Variants in IFNAR1 observed in about 807,000 individuals in gnomAD.
The protein encoded by IFNAR1 is interferon alpha and beta receptor subunit 1.
A neutral mutation model predicts 62.1 loss-of-function variants in IFNAR1; 47 were observed. The ratio of observed to expected loss-of-function variants is 0.76; its 90% CI spans 0.60 to 0.97. The LOEUF is 0.97. Ranked by LOEUF, IFNAR1 falls within the 50% of genes least tolerant of loss-of-function variation. The pLI, the probability that IFNAR1 is intolerant of heterozygous loss-of-function variation, is 0.00. For missense variants in IFNAR1, 638 were observed against 654.5 expected (o/e 0.97, Z 0.27); for synonymous variants, 219 against 226.9 (o/e 0.97, Z 0.31).
intron 1 of IFNAR1, among the ~76,000 whole-genome samples, chr21:33,333,875 G>A (rs1345591423): frequency 9.2e-5 from 14 of 151,872 alleles, no homozygotes; most frequent in South Asian, 6.3e-4. Flanking sequence ...CACCCGCCTC[G>A]GCCTCCCAAA....
chr21:33,341,870 AG>A (rs1314713096), intron 3 of IFNAR1, among the ~76,000 whole-genome samples: 1 of 152,012 alleles, frequency 6.6e-6, no homozygotes, highest in Non-Finnish European at 1.5e-5. Context: ...TAGTAGAGAC[AG>A]GGTTTCTCCA....
At position 33,340,885 on chromosome 21, in the gene IFNAR1, TAAAC is replaced by T; in HGVS notation, c.201-111_201-108del. ...TTAAACCAAAAATAGAAATAACTCT[TAAAC>T]AAGAGTTATTAAGAGTTAAGAAATA... On this transcript the variant is annotated intron_variant, in intron 2 of 10. Coordinates refer to ENST00000270139, the MANE Select transcript of IFNAR1 (RefSeq NM_000629.3). 5 of 671,846 alleles carry T rather than the reference TAAAC, an allele frequency of 7.4e-6. No individual in the cohort carries two copies. The Admixed American group carries it at 1.4e-4, about 19-fold the overall frequency. The allele number at this position is 671,846 out of a possible 1,614,324, so 41.6% of individuals were successfully genotyped here.
chr21:33,330,398 A>G (rs2083164884), intron 1 of IFNAR1, among the ~76,000 whole-genome samples: 1 of 152,116 alleles, frequency 6.6e-6, no homozygotes, highest in African/African-American at 2.4e-5. Flanking sequence ...AGACTAGGAC[A>G]TTTAAAAACA....
Position 33,357,278 on chromosome 21 carries a change from G to A in IFNAR1, c.*1729G>A, listed in dbSNP as rs1237849558. 1 of 152,222 alleles carries A rather than the reference G, an allele frequency of 6.6e-6. No homozygotes were observed. Among genetic ancestry groups the A allele is most frequent in the African/African-American group, 2.4e-5 (1 of 41,456 alleles). The allele number at this position is 152,222 out of a possible 1,614,324, so 9.4% of individuals were successfully genotyped here. A position where few individuals can be genotyped will look rare whatever the true frequency, so the allele number is the denominator to read the frequency against. On this transcript the variant is annotated 3_prime_UTR_variant, in exon 11 of 11. Coordinates refer to ENST00000270139, the MANE Select transcript of IFNAR1 (RefSeq NM_000629.3). ...AGTAGTCATTTCTGCTGAAAAAACA[G>A]ATGATCCTGGTGGAAGAAAAGGTTG... is the stretch of plus-strand genomic sequence containing the variant.
intron 8 of IFNAR1, among the ~76,000 whole-genome samples, chr21:33,350,514 G>C (rs1271578987): frequency 2.0e-5 from 3 of 151,934 alleles, no homozygotes; most frequent in African/African-American, 4.8e-5. Context: ...AGTTGGGGAG[G>C]TAATGAAAAA....
At chr21:33,343,949 A>G (rs1160938210) in intron 5 of IFNAR1, among the ~76,000 whole-genome samples, 1 of 152,230 alleles carries the variant, frequency 6.6e-6, no homozygotes, top group Admixed American at 6.5e-5. Flanking sequence ...TGAAGCCAGA[A>G]GTTCGAGAAC....
intron 1 of IFNAR1, among the ~76,000 whole-genome samples, chr21:33,326,502 A>G (rs2211687): frequency 0.16 from 24,689 of 152,088 alleles, 2,294 homozygotes; most frequent in East Asian, 0.36. Context: ...CGCCCGATCT[A>G]TTTATGTTTT....
At chr21:33,324,782 C>T, upstream of IFNAR1, 1 of 500,594 alleles carries the variant, frequency 2.0e-6, no homozygotes, top group Non-Finnish European at 3.6e-6. Context: ...TTCTAAGGCG[C>T]GCGCGCACAG....
chr21:33,343,307 A>G lies in IFNAR1; in HGVS notation c.416A>G (p.Asp139Gly), dbSNP rs373257370. 4.3e-6 allele frequency: 7 copies of G among 1,613,612 alleles called. No individual in the cohort carries two copies. The highest frequency in any genetic ancestry group is 4.2e-6 in the Non-Finnish European group (5 of 1,179,564). ...CCAGAAGTACATTTAGAAGCTGAAG[A>G]TAAGGCAATAGTGATACACATCTCT... ...GPPEVHLEAE[D>G]KAIVIHISPG... Residue 139 changes from aspartate (D) to glycine (G), a missense_variant, in exon 4 of 11, where the codon GAT (aspartate) becomes GGT (glycine). Coordinates refer to ENST00000270139, the MANE Select transcript of IFNAR1 (RefSeq NM_000629.3).
Position 33,341,141 on chromosome 21 carries a change from T to C in IFNAR1, c.343T>C (p.Tyr115His). 6.2e-7 allele frequency: 1 copy of C among 1,613,042 alleles called. No individual in the cohort carries two copies. ...RAEKENTSSW[Y>H]EVDSFTPFRK... ...AGAAAAAGAAAACACTTCTTCATGGTATGAGGTTGACTCATTTACACCATT... is the reference window on the plus strand; with the variant it reads ...AGAAAAAGAAAACACTTCTTCATGGCATGAGGTTGACTCATTTACACCATT... The change falls in exon 3 of 11, where the codon TAT (tyrosine) becomes CAT (histidine). Residue 115 changes from tyrosine (Y) to histidine (H), a missense_variant. Coordinates refer to ENST00000270139, the MANE Select transcript of IFNAR1 (RefSeq NM_000629.3).
Position 33,352,842 on chromosome 21 carries a change from A to G in IFNAR1, c.1228A>G (p.Thr410Ala). 1 of 1,606,480 alleles carries G rather than the reference A, an allele frequency of 6.2e-7. No individual in the cohort carries two copies. Residue 410 changes from threonine to alanine, a missense_variant, in exon 9 of 11, where the codon ACC becomes GCC. By Grantham distance (58) the Thr-to-Ala change is moderately conservative. Transcript: ENST00000270139. ...ATATTGTGTGAAAGCCAGAGCACACACCATGGATGAAAAGCTGAATAAAAG... is the reference window on the plus strand; with the variant it reads ...ATATTGTGTGAAAGCCAGAGCACACGCCATGGATGAAAAGCTGAATAAAAG... ...TVYCVKARAHTMDEKLNKSSV... is the reference protein window; with the variant it reads ...TVYCVKARAHAMDEKLNKSSV...
rs756903477 is a variant in IFNAR1, at chr21:33,353,738, T to C, written c.1395T>C (p.Asn465=). Residue 465 remains asparagine (N), a synonymous_variant, in exon 10 of 11, where the codon AAT becomes AAC. Coordinates refer to ENST00000270139, the MANE Select transcript of IFNAR1 (RefSeq NM_000629.3). ...YAAKVFLRCI[N]YVFFPSLKPS... ...CGAAAGTCTTCTTGAGATGCATCAA[T>C]TATGTCTTCTTTCCATCACTTAAAC... 1 of 1,590,258 alleles carries C rather than the reference T, an allele frequency of 6.3e-7. No homozygotes were observed. Among genetic ancestry groups the C allele is most frequent in the Non-Finnish European group, 8.5e-7 (1 of 1,170,862 alleles).
intron 2 of IFNAR1, among the ~76,000 whole-genome samples, chr21:33,337,976 T>C (rs1214957875): frequency 1.3e-5 from 2 of 152,166 alleles, no homozygotes; most frequent in Admixed American, 1.3e-4. Flanking sequence ...ATACCCTTAT[T>C]TAATGTTACT....
upstream of IFNAR1, chr21:33,324,961 C>T: frequency 1.8e-6 from 2 of 1,113,866 alleles, no homozygotes; most frequent in Non-Finnish European, 2.6e-6. Flanking sequence ...AGCGCGTGTG[C>T]AGAGGGGCGG....
intron 1 of IFNAR1, among the ~76,000 whole-genome samples, chr21:33,327,621 G>GATACT (rs2083138821): frequency 6.6e-6 from 1 of 152,128 alleles, no homozygotes; most frequent in South Asian, 2.1e-4. Flanking sequence ...TGTATGTTAA[G>GATACT]GGCCTAATTA....
intron 6 of IFNAR1, among the ~76,000 whole-genome samples, chr21:33,348,745 G>A (rs1452503229): frequency 6.6e-6 from 1 of 152,060 alleles, no homozygotes; most frequent in Non-Finnish European, 1.5e-5. Flanking sequence ...AGAGGTTGCA[G>A]TGAGCCAAGA....
intron 5 of IFNAR1, among the ~76,000 whole-genome samples, chr21:33,344,333 T>G (rs989198060): frequency 6.6e-6 from 1 of 152,202 alleles, no homozygotes; most frequent in Admixed American, 6.5e-5. Context: ...GTAAGTGGAA[T>G]GTTAAAATAT....
At chr21:33,332,596 T>A (rs2083191582) in intron 1 of IFNAR1, among the ~76,000 whole-genome samples, 1 of 151,948 alleles carries the variant, frequency 6.6e-6, no homozygotes, top group Non-Finnish European at 1.5e-5. Flanking sequence ...CTCAACAAGA[T>A]ACAAGAAAAT....
At chr21:33,344,890 C>T (rs1452340134) in intron 5 of IFNAR1, among the ~76,000 whole-genome samples, 1 of 152,012 alleles carries the variant, frequency 6.6e-6, no homozygotes, top group Non-Finnish European at 1.5e-5. Flanking sequence ...CAGCTTCAAG[C>T]GATTCTCCTG....
Sources: allele counts gnomAD v4.1 joint callset (sites outside exome capture counted in the v4.1 genomes callset), GRCh38; gene constraint gnomAD v4.1.1; transcripts MANE v1.5; gene names NCBI Gene and HGNC (gene_info 2026-07-23, HGNC 2026-07-21).